RPA3: variants seen among roughly 807,000 people sequenced by gnomAD.
The protein encoded by RPA3 is replication protein A 14 kDa subunit.
RPA3 carries 24 observed loss-of-function variants against 13.7 expected under a neutral mutation model. The observed-to-expected ratio is 1.75, with a 90% CI of 1.27 to 2.46. The LOEUF is 2.46. Ranked by LOEUF, RPA3 falls within the 30% of genes most tolerant of loss-of-function variation. The pLI, the probability that RPA3 is intolerant of heterozygous loss-of-function variation, is 0.00. For synonymous variants in RPA3, 59 were observed against 51.2 expected (o/e 1.15, Z -0.65); for missense variants, 183 against 151.0 (o/e 1.21, Z -1.11).
At chr7:7,644,171 C>G (rs1293990778) in intron 4 of RPA3, among the ~76,000 whole-genome samples, 2 of 152,000 alleles carry the variant, frequency 1.3e-5, no homozygotes, top group African/African-American at 2.4e-5. Flanking sequence ...AATTTGCACT[C>G]CCTGATTACT....
intron 2 of RPA3, among the ~76,000 whole-genome samples, chr7:7,698,355 C>A (rs1406030918): frequency 3.9e-5 from 6 of 152,096 alleles, no homozygotes; most frequent in African/African-American, 1.4e-4. Flanking sequence ...TGGTGCGTTT[C>A]CTGCTGCATC....
Position 7,683,666 on chromosome 7 carries a change from A to G in RPA3, c.-758+2164T>C, listed in dbSNP as rs920707544. Among the ~76,000 whole-genome samples the G allele has an allele frequency of 5.9e-5, 9 of 151,516 alleles. No homozygotes were observed. The South Asian group carries it at 8.3e-4, about 14-fold the overall frequency. On this transcript the variant is annotated intron_variant, in intron 4 of 7. Coordinates refer to ENST00000223129, the MANE Select transcript of RPA3 (RefSeq NM_002947.5). ...GACGGAGTTTTTGCTCTTGTTGCCC[A>G]GGCTGGAGTGCAGTGGCATGGTCTC...
At chr7:7,656,721 C>T (rs1036242492) in intron 4 of RPA3, among the ~76,000 whole-genome samples, 10 of 152,102 alleles carry the variant, frequency 6.6e-5, no homozygotes, top group Non-Finnish European at 1.0e-4. Context: ...TATCATTGAT[C>T]GGCATTTGGT....
intron 4 of RPA3, among the ~76,000 whole-genome samples, chr7:7,679,784 C>T (rs1035810395): frequency 4.7e-5 from 7 of 149,882 alleles, no homozygotes; most frequent in Non-Finnish European, 7.4e-5. Flanking sequence ...AGGCCACTTT[C>T]GAACTCTTAG....
chr7:7,644,244 T>C (rs186984417), intron 4 of RPA3, among the ~76,000 whole-genome samples: 30 of 152,282 alleles, frequency 2.0e-4, no homozygotes, highest in African/African-American at 7.2e-4. Flanking sequence ...TTTTCCTTGA[T>C]TTTTCTTTTT....
chr7:7,710,839 G>A (rs767305984), intron 2 of RPA3, among the ~76,000 whole-genome samples: 4 of 152,060 alleles, frequency 2.6e-5, no homozygotes, highest in Non-Finnish European at 5.9e-5. Context: ...TCTATATCAT[G>A]GAATAATACT....
intron 2 of RPA3, among the ~76,000 whole-genome samples, chr7:7,707,168 C>CA (rs1780625559): frequency 6.6e-6 from 1 of 152,042 alleles, no homozygotes; most frequent in Non-Finnish European, 1.5e-5. Flanking sequence ...AATAAACAGG[C>CA]AAAATCAGTT....
intron 4 of RPA3, among the ~76,000 whole-genome samples, chr7:7,673,612 C>T (rs1260750507): frequency 1.3e-5 from 2 of 152,064 alleles, no homozygotes; most frequent in Non-Finnish European, 2.9e-5. Context: ...TGAAAGTCAT[C>T]AATTACTTGG....
At chr7:7,640,237 G>A (rs968864162) in intron 5 of RPA3, 83 bp downstream of exon 5, 3 of 1,414,534 alleles carry the variant, frequency 2.1e-6, no homozygotes, top group African/African-American at 2.8e-5. Context: ...GAGGCTTTCC[G>A]TCCTTTTTCA....
chr7:7,688,815 A>T (rs1415931539), intron 2 of RPA3, among the ~76,000 whole-genome samples: 2 of 152,180 alleles, frequency 1.3e-5, no homozygotes, highest in Admixed American at 1.3e-4. Flanking sequence ...GCTGATCCTC[A>T]GTCTGTATAT....
intron 4 of RPA3, among the ~76,000 whole-genome samples, chr7:7,679,992 C>G (rs1308142655): frequency 1.3e-5 from 2 of 151,886 alleles, no homozygotes; most frequent in African/African-American, 4.8e-5. Flanking sequence ...TGTGGGTTGT[C>G]TCTTTACTGT....
chr7:7,711,309 T>A lies in RPA3; in HGVS notation c.-1028+3866A>T, dbSNP rs115538757. 6.8e-3 allele frequency among the ~76,000 whole-genome samples: 1,035 copies of A among 152,344 alleles called. 15 individuals carry two copies. The highest frequency in any genetic ancestry group is 0.024 in the African/African-American group (982 of 41,578). ...CATGATGCTGTTACAAACATCCTTG[T>A]ACATGTCTCCTGGTGCACATATGTG... On this transcript the variant is annotated intron_variant, in intron 2 of 7. Transcript: ENST00000223129.
intron 4 of RPA3, among the ~76,000 whole-genome samples, chr7:7,672,799 A>G (rs1219389590): frequency 6.6e-6 from 1 of 152,210 alleles, no homozygotes; most frequent in Non-Finnish European, 1.5e-5. Flanking sequence ...TAGCAGTGTG[A>G]GAATGGACTA....
intron 2 of RPA3, chr7:7,689,530 A>G (rs1022855754): frequency 6.6e-6 from 1 of 152,160 alleles, no homozygotes; most frequent in African/African-American, 2.4e-5. Flanking sequence ...TGCAGCTGAA[A>G]ATGTCTGCAC....
At chr7:7,689,635 A>G (rs566761413) in intron 2 of RPA3, among the ~76,000 whole-genome samples, 1 of 152,242 alleles carries the variant, frequency 6.6e-6, no homozygotes, top group Non-Finnish European at 1.5e-5. Flanking sequence ...ATGGAAATGT[A>G]TTTATATGTA....
At chr7:7,638,130 T>C (rs1784895643) in intron 6 of RPA3, 158 bp from the exon 7 acceptor site, 2 of 495,938 alleles carry the variant, frequency 4.0e-6, no homozygotes, top group Admixed American at 3.4e-5. Context: ...TGTTAACAAA[T>C]GTTTGAGTAC....
At position 7,687,213 on chromosome 7, in the gene RPA3, G is replaced by T. The variant is rs182270592; in HGVS notation, c.-927+15C>A. ...TGTCATTTACTTGCTGTGTGATTTT[G>T]AGCAGGCTACTTACCATTTCAGCCT... On this transcript the variant is annotated intron_variant, in intron 3 of 7. Coordinates refer to ENST00000223129, the MANE Select transcript of RPA3 (RefSeq NM_002947.5). The T allele has an allele frequency of 6.6e-6, 1 of 152,302 alleles. No individual in the cohort carries two copies. The highest frequency in any genetic ancestry group is 1.5e-5 in the Non-Finnish European group (1 of 68,022). 9.4% of individuals were successfully genotyped at this position (152,302 alleles called of 1,614,324 possible).
intron 4 of RPA3, among the ~76,000 whole-genome samples, chr7:7,662,052 C>T (rs529531333): frequency 3.5e-4 from 54 of 152,286 alleles, no homozygotes; most frequent in African/African-American, 1.3e-3. Context: ...AGCGGCTTTG[C>T]TGAGCTGTGG....
At chr7:7,677,919 C>G (rs369152073) in intron 4 of RPA3, among the ~76,000 whole-genome samples, 1 of 151,624 alleles carries the variant, frequency 6.6e-6, no homozygotes, top group Admixed American at 6.6e-5. Flanking sequence ...GTGATCCGCC[C>G]GCCTCGGCCT....
Sources: gnomAD v4.1 joint callset for allele counts (sites outside exome capture counted in the v4.1 genomes callset) on GRCh38, gnomAD v4.1.1 for gene constraint, MANE v1.5 for transcripts, NCBI Gene and HGNC (gene_info 2026-07-23, HGNC 2026-07-21) for gene names.